SLC8A1: variants seen among roughly 807,000 people sequenced by gnomAD.
The protein encoded by SLC8A1 is solute carrier family 8 member A1, also known as sodium/calcium exchanger 1.
A neutral mutation model predicts 68.3 loss-of-function variants in SLC8A1; 18 were observed. The ratio of observed to expected loss-of-function variants is 0.26; its 90% CI spans 0.18 to 0.39. The LOEUF (loss-of-function observed/expected upper bound fraction) is 0.39, where lower values mean the gene tolerates loss of function less well. Among genes scored for constraint, SLC8A1 ranks in the 10% least tolerant of loss-of-function variants. The pLI, the probability that SLC8A1 is intolerant of heterozygous loss-of-function variation, is 1.00. For missense variants in SLC8A1, 985 were observed against 1,156.7 expected (o/e 0.85, Z 2.15); for synonymous variants, 475 against 415.5 (o/e 1.14, Z -1.74).
intron 2 of SLC8A1, among the ~76,000 whole-genome samples, chr2:40,205,790 G>C (rs1375799761): frequency 7.5e-6 from 1 of 132,766 alleles, no homozygotes; most frequent in East Asian, 2.3e-4. Context: ...TTGTACATCT[G>C]AACTTAGAAG....
intron 2 of SLC8A1, among the ~76,000 whole-genome samples, chr2:40,327,302 G>A (rs2149360464): frequency 6.6e-6 from 1 of 152,252 alleles, no homozygotes; most frequent in East Asian, 1.9e-4. Flanking sequence ...TTACAATACT[G>A]GACCTTTGAA....
intron 2 of SLC8A1, among the ~76,000 whole-genome samples, chr2:40,179,038 CAAAG>C (rs77462420): frequency 0.45 from 68,177 of 151,638 alleles, 18,176 homozygotes; most frequent in Non-Finnish European, 0.62. Flanking sequence ...AAAAATATCA[CAAAG>C]AAAATATAGT....
intron 2 of SLC8A1, among the ~76,000 whole-genome samples, chr2:40,409,178 C>T (rs963067766): frequency 2.6e-5 from 4 of 152,030 alleles, no homozygotes; most frequent in African/African-American, 7.2e-5. Flanking sequence ...ATAGTCACAT[C>T]GGTACAGCTT....
chr2:40,507,739 AGGGCTAATT>A (rs1706459252), intron 1 of SLC8A1, among the ~76,000 whole-genome samples: 2 of 152,044 alleles, frequency 1.3e-5, no homozygotes, highest in Admixed American at 1.3e-4. Flanking sequence ...ACTATCTCAT[AGGGCTAATT>A]GTCAGAATTA....
At chr2:40,205,181 A>G (rs2055155010) in intron 2 of SLC8A1, among the ~76,000 whole-genome samples, 1 of 152,074 alleles carries the variant, frequency 6.6e-6, no homozygotes, top group South Asian at 2.1e-4. Flanking sequence ...TAATAGCTCA[A>G]TTTAGCCTTT....
At chr2:40,495,411 G>A (rs537711045) in intron 1 of SLC8A1, among the ~76,000 whole-genome samples, 1 of 152,058 alleles carries the variant, frequency 6.6e-6, no homozygotes, top group Non-Finnish European at 1.5e-5. Context: ...AAGGATCCGA[G>A]TTCAGGACAA....
At chr2:40,116,097 G>C (rs373844415) in intron 7 of SLC8A1, among the ~76,000 whole-genome samples, 48 of 152,280 alleles carry the variant, frequency 3.2e-4, no homozygotes, top group African/African-American at 1.1e-3. Flanking sequence ...ACAGCTGCTG[G>C]AGGGTATTAC....
At chr2:40,107,441 T>C (rs1402418155) in exon 8 of SLC8A1, 1 of 152,022 alleles carries the variant, frequency 6.6e-6, no homozygotes, top group East Asian at 1.9e-4. Context: ...TTTCAACACT[T>C]TCCCAAAAGG....
intron 6 of SLC8A1, among the ~76,000 whole-genome samples, chr2:40,152,011 A>T (rs2043530990): frequency 6.6e-6 from 1 of 152,248 alleles, no homozygotes; most frequent in Non-Finnish European, 1.5e-5. Flanking sequence ...GAATTCACTT[A>T]ATGTGACCAT....
intron 2 of SLC8A1, among the ~76,000 whole-genome samples, chr2:40,341,508 T>C (rs1667683149): frequency 6.6e-6 from 1 of 152,214 alleles, no homozygotes; most frequent in Non-Finnish European, 1.5e-5. Flanking sequence ...TGTGGCTTTG[T>C]TGATTTTGCA....
chr2:40,464,323 G>A lies in SLC8A1; in HGVS notation c.-24-34019C>T, dbSNP rs146015931. 2.7e-3 allele frequency among the ~76,000 whole-genome samples: 412 copies of A among 152,318 alleles called. 2 individuals carry two copies. Among genetic ancestry groups the A allele is most frequent in the Non-Finnish European group, 3.7e-3 (255 of 68,034 alleles). On this transcript the variant is annotated intron_variant, in intron 1 of 7. Transcript: ENST00000402441. ...AGCACTGGCTGAATTCTAGCATAGA[G>A]ACAACGCATTTCATAACTTTAAAAG...
At chr2:40,221,622 T>A (rs1261926315) in intron 2 of SLC8A1, among the ~76,000 whole-genome samples, 1 of 152,118 alleles carries the variant, frequency 6.6e-6, no homozygotes, top group Non-Finnish European at 1.5e-5. Context: ...TGATTGTATA[T>A]TTAGAAAACC....
chr2:40,218,154 A>G (rs1364421363), intron 2 of SLC8A1, among the ~76,000 whole-genome samples: 1 of 152,210 alleles, frequency 6.6e-6, no homozygotes, highest in Non-Finnish European at 1.5e-5. Flanking sequence ...AGTTTCAGCT[A>G]AGAATGAATT....
intron 2 of SLC8A1, among the ~76,000 whole-genome samples, chr2:40,340,194 G>A (rs1667249811): frequency 6.6e-6 from 1 of 152,172 alleles, no homozygotes; most frequent in Admixed American, 6.6e-5. Context: ...TGGAACCTCT[G>A]AAAACTATAA....
chr2:40,115,353 C>T lies in SLC8A1; in HGVS notation c.2714G>A (p.Arg905Gln), dbSNP rs187703961. The change falls in exon 8 of 8, where the codon CGG (arginine) becomes CAG (glutamine). Residue 905 changes from arginine (R) to glutamine (Q), a missense_variant. Arg to Gln is a conservative substitution (Grantham distance 43). Transcript: ENST00000406785. ...GCAGGATGTGAGGAGCTTGGCAGTC[C>T]GGGGCCCACCCAGCTCACCTCCGAT... 3.0e-4 allele frequency: 477 copies of T among 1,614,114 alleles called. 2 individuals carry two copies. The highest frequency in any genetic ancestry group is 2.5e-3 in the East Asian group (111 of 44,874).
intron 1 of SLC8A1, among the ~76,000 whole-genome samples, chr2:40,477,156 A>G (rs960678109): frequency 2.6e-5 from 4 of 152,216 alleles, no homozygotes; most frequent in Admixed American, 2.6e-4. Flanking sequence ...ACAGAAACAG[A>G]AAGTCCATTA....
At chr2:40,275,140 G>A (rs1304174621) in intron 2 of SLC8A1, among the ~76,000 whole-genome samples, 1 of 152,166 alleles carries the variant, frequency 6.6e-6, no homozygotes, top group Non-Finnish European at 1.5e-5. Context: ...TTTTATAATT[G>A]AGTTGAAGCT....
chr2:40,435,204 C>A (rs1415327816), intron 1 of SLC8A1, among the ~76,000 whole-genome samples: 2 of 152,138 alleles, frequency 1.3e-5, no homozygotes, highest in African/African-American at 4.8e-5. Flanking sequence ...GACTGAAAGA[C>A]TCAAAGCTAA....
chr2:40,390,826 T>A (rs1159599350), intron 2 of SLC8A1, among the ~76,000 whole-genome samples: 1 of 152,106 alleles, frequency 6.6e-6, no homozygotes, highest in Non-Finnish European at 1.5e-5. Context: ...TAAGAAAATG[T>A]AGAGTAAATT....
Sources: allele counts gnomAD v4.1 joint callset (sites outside exome capture counted in the v4.1 genomes callset), GRCh38; gene constraint gnomAD v4.1.1; transcripts MANE v1.5; gene names NCBI Gene and HGNC (gene_info 2026-07-23, HGNC 2026-07-21).